CTNNA3: variants seen among roughly 807,000 people sequenced by gnomAD.
CTNNA3 encodes the protein catenin alpha 3.
Under a neutral mutation model 95.7 loss-of-function variants are expected in CTNNA3, and 76 were observed. The observed-to-expected ratio is 0.79, with a 90% CI of 0.66 to 0.96. The LOEUF (loss-of-function observed/expected upper bound fraction) is 0.96. CTNNA3 is among the 40% of genes least tolerant of loss of function. The pLI is 0.00. For synonymous variants in CTNNA3, 431 were observed against 374.4 expected (o/e 1.15, Z -1.74); for missense variants, 1,191 against 1,089.8 (o/e 1.09, Z -1.31).
At chr10:66,579,276 AT>A (rs1348373252) in intron 10 of CTNNA3, among the ~76,000 whole-genome samples, 4 of 151,804 alleles carry the variant, frequency 2.6e-5, no homozygotes, top group African/African-American at 9.7e-5. Context: ...CACAAACCTA[AT>A]TTGTCAAGTT....
At chr10:66,908,541 A>T (rs1324779780) in intron 7 of CTNNA3, among the ~76,000 whole-genome samples, 1 of 152,164 alleles carries the variant, frequency 6.6e-6, no homozygotes, top group Admixed American at 6.5e-5. Flanking sequence ...GTTCTCTAAG[A>T]AGTCCTGGTC....
At chr10:66,280,296 G>C (rs1326169087) in intron 13 of CTNNA3, among the ~76,000 whole-genome samples, 174 bp downstream of exon 13, 1 of 151,990 alleles carries the variant, frequency 6.6e-6, no homozygotes, top group African/African-American at 2.4e-5. Flanking sequence ...ATAAGTAAAA[G>C]TGTTGTTTGT....
chr10:67,328,480 C>T (rs1217556978), intron 5 of CTNNA3, among the ~76,000 whole-genome samples: 1 of 152,224 alleles, frequency 6.6e-6, no homozygotes, highest in Non-Finnish European at 1.5e-5. Context: ...CAGCTGGCTG[C>T]TGCCCCTAAC....
chr10:66,784,462 C>T (rs1840661243), intron 7 of CTNNA3, among the ~76,000 whole-genome samples: 1 of 152,116 alleles, frequency 6.6e-6, no homozygotes, highest in African/African-American at 2.4e-5. Flanking sequence ...AACTTATATA[C>T]TGTCAGAAGA....
intron 6 of CTNNA3, among the ~76,000 whole-genome samples, chr10:67,216,820 TC>T (rs1365384840): frequency 2.0e-5 from 3 of 152,234 alleles, no homozygotes; most frequent in Non-Finnish European, 4.4e-5. Context: ...CTTGGAATTT[TC>T]AAAGCAATTT....
At chr10:65,955,088 G>A (rs2077700836) in intron 17 of CTNNA3, among the ~76,000 whole-genome samples, 1 of 151,794 alleles carries the variant, frequency 6.6e-6, no homozygotes, top group African/African-American at 2.4e-5. Flanking sequence ...AGATCTCCTT[G>A]AAGAGGTCCT....
intron 13 of CTNNA3, among the ~76,000 whole-genome samples, chr10:66,137,703 T>A (rs1352807622): frequency 6.6e-6 from 1 of 152,030 alleles, no homozygotes; most frequent in Non-Finnish European, 1.5e-5. Context: ...CCCCAGCAGT[T>A]TGGGAGGCTG....
chr10:66,472,967 A>G (rs1455072254), intron 11 of CTNNA3, among the ~76,000 whole-genome samples: 3 of 151,988 alleles, frequency 2.0e-5, no homozygotes, highest in Non-Finnish European at 4.4e-5. Context: ...ATTGGTAGAA[A>G]AGAGATCTGA....
Position 66,212,230 on chromosome 10 carries a change from T to A in CTNNA3, c.1884+68240A>T, listed in dbSNP as rs192571585. 4.1e-3 allele frequency among the ~76,000 whole-genome samples: 621 copies of A among 152,216 alleles called. 7 individuals carry two copies. The highest frequency in any genetic ancestry group is 0.014 in the African/African-American group (595 of 41,532). On this transcript the variant is annotated intron_variant, in intron 13 of 17. Transcript: ENST00000433211. ...ATCTCAAACTCCTGACCTTACGTGATCCACCCACCTCGGCCTCCCAAAGTG... is the reference window on the plus strand; with the variant it reads ...ATCTCAAACTCCTGACCTTACGTGAACCACCCACCTCGGCCTCCCAAAGTG...
At chr10:66,427,800 T>G (rs1208634187) in intron 11 of CTNNA3, among the ~76,000 whole-genome samples, 1 of 151,978 alleles carries the variant, frequency 6.6e-6, no homozygotes, top group Middle Eastern at 3.2e-3. Flanking sequence ...GCAAAAACAC[T>G]CCAAATTGTA....
rs190452444 is a variant in CTNNA3 at position 67,033,379 on chromosome 10, C to T, written c.1047+146938G>A. ...CAGTTATGCAACACAAATCTCGATG[C>T]TTCTCTCCCATCAATTTTTGAGGAA... is the stretch of plus-strand genomic sequence containing the variant. On this transcript the variant is annotated intron_variant, in intron 7 of 17. Transcript: ENST00000433211. Among the ~76,000 whole-genome samples, 529 of 152,280 alleles carry T rather than the reference C, an allele frequency of 3.5e-3. 1 individual carries two copies. Among genetic ancestry groups the T allele is most frequent in the African/African-American group, 0.012 (488 of 41,556 alleles).
intron 5 of CTNNA3, among the ~76,000 whole-genome samples, chr10:67,246,987 CA>C (rs1342554505): frequency 6.6e-6 from 1 of 152,148 alleles, no homozygotes; most frequent in African/African-American, 2.4e-5. Flanking sequence ...AATGCATACT[CA>C]GAGACAGTCA....
intron 1 of CTNNA3, among the ~76,000 whole-genome samples, chr10:67,653,280 T>C (rs987830666): frequency 6.6e-6 from 1 of 152,178 alleles, no homozygotes. Context: ...TGCTAAGCCA[T>C]CATGAGAAAT....
chr10:67,504,435 CAAAAAAAAAA>C (rs60719599), intron 5 of CTNNA3, among the ~76,000 whole-genome samples: 1 of 16,154 alleles, frequency 6.2e-5, no homozygotes, highest in Non-Finnish European at 1.2e-4. Context: ...GACTCCATCT[CAAAAAAAAAA>C]AAAAAAAAAA....
intron 7 of CTNNA3, among the ~76,000 whole-genome samples, chr10:66,877,062 C>T (rs568595421): frequency 2.6e-5 from 4 of 152,216 alleles, no homozygotes; most frequent in African/African-American, 9.6e-5. Context: ...ACTGAGCTGC[C>T]TGACTTTCTT....
chr10:66,453,071 G>T (rs547663864), intron 11 of CTNNA3, among the ~76,000 whole-genome samples: 1 of 151,876 alleles, frequency 6.6e-6, no homozygotes, highest in Non-Finnish European at 1.5e-5. Flanking sequence ...AAAAAAAATT[G>T]TCAGGTGTGG....
chr10:66,501,627 T>A (rs887936803), intron 11 of CTNNA3, among the ~76,000 whole-genome samples: 4 of 152,154 alleles, frequency 2.6e-5, no homozygotes, highest in African/African-American at 9.7e-5. Flanking sequence ...CCCCATACTA[T>A]CAAGATTGCT....
At chr10:67,152,770 T>G (rs1861140156) in intron 7 of CTNNA3, among the ~76,000 whole-genome samples, 1 of 113,036 alleles carries the variant, frequency 8.8e-6, no homozygotes, top group Non-Finnish European at 1.7e-5. Flanking sequence ...TGATTATACT[T>G]TTTCCTATCT....
chr10:67,750,790 C>T (rs996729254), intron 1 of CTNNA3: 1 of 1,608,010 alleles, frequency 6.2e-7, no homozygotes, highest in Non-Finnish European at 8.5e-7. Context: ...GATAGAGAGG[C>T]TCTTGAACAA....
Sources: allele counts gnomAD v4.1 joint callset (sites outside exome capture counted in the v4.1 genomes callset), GRCh38; gene constraint gnomAD v4.1.1; transcripts MANE v1.5; gene names NCBI Gene and HGNC (gene_info 2026-07-23, HGNC 2026-07-21).